CNTN4: variants seen among roughly 807,000 people sequenced by gnomAD.
CNTN4 encodes contactin-4.
In CNTN4, 77 loss-of-function variants were observed where a neutral mutation model predicts 122.5. That is an observed-to-expected ratio of 0.63 (90% CI 0.52 to 0.76). The LOEUF is 0.76. Among genes scored for constraint, CNTN4 ranks in the 30% least tolerant of loss-of-function variants. CNTN4 has a pLI of 0.00. For synonymous variants in CNTN4, 512 were observed against 447.0 expected (o/e 1.15, Z -1.83); for missense variants, 1,256 against 1,259.1 (o/e 1.00, Z 0.04).
At chr3:2,126,111 A>G (rs1189916164) in intron 2 of CNTN4, among the ~76,000 whole-genome samples, 2 of 152,186 alleles carry the variant, frequency 1.3e-5, no homozygotes, top group East Asian at 3.9e-4. Context: ...ATGTCTGAGT[A>G]TTAAACAATT....
intron 2 of CNTN4, among the ~76,000 whole-genome samples, chr3:2,278,546 A>T (rs139038566): frequency 1.3e-3 from 195 of 152,338 alleles, no homozygotes; most frequent in African/African-American, 4.0e-3. Flanking sequence ...AGAAGCAGTC[A>T]TGCTTAGTTG....
chr3:2,437,352 A>G (rs988644348), intron 3 of CNTN4, among the ~76,000 whole-genome samples: 1 of 152,194 alleles, frequency 6.6e-6, no homozygotes, highest in Non-Finnish European at 1.5e-5. Context: ...ATAAAATAAT[A>G]TCTATTAAGA....
intron 2 of CNTN4, among the ~76,000 whole-genome samples, chr3:2,130,920 G>A (rs1559272200): frequency 6.6e-6 from 1 of 152,122 alleles, no homozygotes; most frequent in Non-Finnish European, 1.5e-5. Flanking sequence ...TGCTTGAATG[G>A]GATAAAGATC....
intron 4 of CNTN4, among the ~76,000 whole-genome samples, chr3:2,725,822 A>C (rs1477516689): frequency 1.3e-5 from 2 of 152,232 alleles, no homozygotes; most frequent in African/African-American, 4.8e-5. Flanking sequence ...ACACAAGTAC[A>C]TTTGGAGAAA....
chr3:2,881,504 C>A (rs1483141607), intron 8 of CNTN4, among the ~76,000 whole-genome samples: 9 of 144,910 alleles, frequency 6.2e-5, no homozygotes, highest in African/African-American at 2.3e-4. Context: ...CAGAGCAAGA[C>A]TCAGTCTCAA....
At chr3:2,973,060 AC>A in intron 13 of CNTN4, among the ~76,000 whole-genome samples, 1 of 152,168 alleles carries the variant, frequency 6.6e-6, no homozygotes, top group East Asian at 1.9e-4. Context: ...ATTTATTGGA[AC>A]CCATTACCTG....
At chr3:2,784,278 C>T (rs866854304) in intron 6 of CNTN4, among the ~76,000 whole-genome samples, 42 of 152,154 alleles carry the variant, frequency 2.8e-4, no homozygotes, top group Admixed American at 6.5e-5. Context: ...CATGTGTTCT[C>T]CCTTACCGCC....
At position 2,120,405 on chromosome 3, in the gene CNTN4, A is replaced by ATTTTTT. The variant is rs57112843; in HGVS notation, c.-145+19778_-145+19783dup. On this transcript the variant is annotated intron_variant, in intron 2 of 24. Coordinates refer to ENST00000418658, the MANE Select transcript of CNTN4 (RefSeq NM_175607.3). ...TATATATATATATATATATATATAT[A>ATTTTTT]TTTTTTTTTTTTTTTTTATGCAGAG... Among the ~76,000 whole-genome samples, 31 of 40,864 alleles carry ATTTTTT rather than the reference A, an allele frequency of 7.6e-4. 2 individuals carry two copies. The highest frequency in any genetic ancestry group is 0.017 in the Middle Eastern group (1 of 58). The allele number at this position is 40,864 out of a possible 152,430, so 26.8% of individuals were successfully genotyped here.
intron 13 of CNTN4, among the ~76,000 whole-genome samples, chr3:2,971,350 G>GTCTATCTA (rs71058657): frequency 1.1e-4 from 17 of 150,482 alleles, no homozygotes; most frequent in Middle Eastern, 6.8e-3. Context: ...CTGTCTGTCT[G>GTCTATCTA]TCTATCTATC....
chr3:2,352,321 T>C (rs948979530), intron 3 of CNTN4, among the ~76,000 whole-genome samples: 2 of 152,284 alleles, frequency 1.3e-5, no homozygotes, highest in Non-Finnish European at 2.9e-5. Context: ...AGCCTGCCGC[T>C]GCACTGTGGG....
chr3:2,354,011 C>G (rs780704585), intron 3 of CNTN4, among the ~76,000 whole-genome samples: 1 of 152,174 alleles, frequency 6.6e-6, no homozygotes, highest in Non-Finnish European at 1.5e-5. Flanking sequence ...AGGTACTTTC[C>G]TAATCCTTAT....
chr3:3,041,039 T>C (rs1282341658), intron 20 of CNTN4: 1 of 152,296 alleles, frequency 6.6e-6, no homozygotes, highest in Non-Finnish European at 1.5e-5. Context: ...CACACATTAT[T>C]ATCACCTCCA....
chr3:3,022,091 A>G (rs1232904962), intron 14 of CNTN4, among the ~76,000 whole-genome samples: 2 of 141,620 alleles, frequency 1.4e-5, no homozygotes, highest in South Asian at 2.2e-4. Flanking sequence ...AAAAAAAAAA[A>G]GAATTAGTTG....
intron 3 of CNTN4, among the ~76,000 whole-genome samples, chr3:2,354,009 T>C (rs1352425428): frequency 6.6e-6 from 1 of 152,180 alleles, no homozygotes; most frequent in Non-Finnish European, 1.5e-5. Context: ...CTAGGTACTT[T>C]CCTAATCCTT....
At chr3:2,287,678 A>AGAG (rs1559415557) in intron 2 of CNTN4, among the ~76,000 whole-genome samples, 62 of 80,512 alleles carry the variant, frequency 7.7e-4, no homozygotes, top group South Asian at 1.4e-3. Flanking sequence ...AAGAAGAAGA[A>AGAG]GAAGAAGAAG....
intron 2 of CNTN4, among the ~76,000 whole-genome samples, chr3:2,143,865 A>T (rs1306972558): frequency 6.6e-6 from 1 of 152,232 alleles, no homozygotes; most frequent in Non-Finnish European, 1.5e-5. Flanking sequence ...AAAGGTATCC[A>T]TGACTAATTT....
intron 6 of CNTN4, among the ~76,000 whole-genome samples, chr3:2,763,813 G>C (rs921998875): frequency 1.3e-5 from 2 of 151,972 alleles, no homozygotes; most frequent in African/African-American, 2.4e-5. Context: ...CTTATTTCTG[G>C]GTTCTCTATT....
At chr3:2,113,978 C>T (rs775290652) in intron 2 of CNTN4, among the ~76,000 whole-genome samples, 1 of 152,186 alleles carries the variant, frequency 6.6e-6, no homozygotes, top group Non-Finnish European at 1.5e-5. Flanking sequence ...CTTGCATATA[C>T]ATATGAAAAG....
chr3:2,348,997 C>G (rs2044507781), intron 3 of CNTN4, among the ~76,000 whole-genome samples: 1 of 152,120 alleles, frequency 6.6e-6, no homozygotes, highest in Non-Finnish European at 1.5e-5. Context: ...ATCTGATGAG[C>G]TTTTAGGAAA....
Sources: allele counts gnomAD v4.1 joint callset (sites outside exome capture counted in the v4.1 genomes callset), GRCh38; gene constraint gnomAD v4.1.1; transcripts MANE v1.5; gene names NCBI Gene and HGNC (gene_info 2026-07-23, HGNC 2026-07-21).